SHISA9: variants seen among roughly 807,000 people sequenced by gnomAD.
The protein encoded by SHISA9 is protein shisa-9.
A neutral mutation model predicts 38.0 loss-of-function variants in SHISA9; 13 were observed. The ratio of observed to expected loss-of-function variants is 0.34; its 90% CI spans 0.22 to 0.54. SHISA9 has a LOEUF of 0.54. Ranked by LOEUF, SHISA9 falls within the 20% of genes least tolerant of loss-of-function variation. SHISA9 has a pLI of 0.91. For missense variants in SHISA9, 538 were observed against 575.8 expected, an observed-to-expected ratio of 0.93 and a Z score of 0.67; for synonymous variants, 275 against 242.0, an observed-to-expected ratio of 1.14 and a Z score of -1.27.
chr16:13,005,416 A>G (rs1488182843), intron 2 of SHISA9, among the ~76,000 whole-genome samples: 1 of 152,194 alleles, frequency 6.6e-6, no homozygotes, highest in African/African-American at 2.4e-5. Context: ...GTCATCTTGC[A>G]AATACCGTAG....
intron 2 of SHISA9, among the ~76,000 whole-genome samples, chr16:12,933,365 G>T (rs991365138): frequency 2.4e-4 from 37 of 151,868 alleles, no homozygotes; most frequent in African/African-American, 9.0e-4. Flanking sequence ...CTCGATCTTG[G>T]CTCACTGCAA....
chr16:13,033,753 A>C (rs1019758135), intron 2 of SHISA9, among the ~76,000 whole-genome samples: 3 of 152,148 alleles, frequency 2.0e-5, no homozygotes, highest in Non-Finnish European at 4.4e-5. Flanking sequence ...ATGATAAGGA[A>C]GTTCTTCCCA....
the SHISA9 span, among the ~76,000 whole-genome samples, chr16:13,380,101 C>T: frequency 2.0e-5 from 3 of 151,644 alleles, no homozygotes; most frequent in African/African-American, 7.3e-5. Context: ...CACAGAGATA[C>T]ATACATATGT....
At chr16:13,059,605 C>G (rs1464518589) in intron 2 of SHISA9, among the ~76,000 whole-genome samples, 2 of 152,136 alleles carry the variant, frequency 1.3e-5, no homozygotes, top group African/African-American at 2.4e-5. Flanking sequence ...ATAGGTACAG[C>G]AAACCACCAT....
the SHISA9 span, among the ~76,000 whole-genome samples, chr16:13,349,894 T>C: frequency 7.4e-3 from 1,132 of 152,314 alleles, 19 homozygotes; most frequent in African/African-American, 0.026. Context: ...TTAGAAGATA[T>C]GTAGAAGTTA....
chr16:13,365,296 C>A, the SHISA9 span, among the ~76,000 whole-genome samples: 1 of 152,048 alleles, frequency 6.6e-6, no homozygotes, highest in African/African-American at 2.4e-5. Flanking sequence ...ATTGCATTGC[C>A]TCTGGCAAGG....
Position 12,976,149 on chromosome 16 carries a change from G to A in SHISA9, c.691+59334G>A, listed in dbSNP as rs140996328. ...GTCACCCAGGCTGGAGTGCAGTGGC[G>A]TGATCCCGGCTCACTGTAACCTCTG... On this transcript the variant is annotated intron_variant, in intron 2 of 4. Transcript: ENST00000558583. 2.4e-4 allele frequency among the ~76,000 whole-genome samples: 37 copies of A among 152,174 alleles called. No homozygotes were observed. The East Asian group carries it at 3.3e-3, about 14-fold the overall frequency.
At chr16:12,993,029 C>G (rs373300564) in intron 2 of SHISA9, among the ~76,000 whole-genome samples, 27 of 152,214 alleles carry the variant, frequency 1.8e-4, no homozygotes, top group African/African-American at 6.3e-4. Context: ...TTGGGACATA[C>G]TCTTCATTTC....
the SHISA9 span, among the ~76,000 whole-genome samples, chr16:13,448,437 C>T: frequency 1.1e-3 from 165 of 152,340 alleles, no homozygotes; most frequent in African/African-American, 3.8e-3. Context: ...CCAATCATCA[C>T]AAAGACACCC....
the SHISA9 span, among the ~76,000 whole-genome samples, chr16:13,489,607 G>A: frequency 6.6e-6 from 1 of 152,068 alleles, no homozygotes; most frequent in South Asian, 2.1e-4. Flanking sequence ...TGTTATAAGT[G>A]GTTTCCCCTT....
the SHISA9 span, among the ~76,000 whole-genome samples, chr16:13,382,669 A>G: frequency 1.3e-5 from 2 of 151,992 alleles, no homozygotes; most frequent in Non-Finnish European, 2.9e-5. Flanking sequence ...GACAAGCTTG[A>G]CCAACATGGT....
At chr16:13,332,622 A>G in the SHISA9 span, 4 of 152,194 alleles carry the variant, frequency 2.6e-5, no homozygotes, top group African/African-American at 9.7e-5. Context: ...ACAGCAAGGA[A>G]GCAGCACTGT....
In SHISA9 at chr16:13,093,190, T is replaced by G. The variant is rs368617179; in HGVS notation, c.692-110204T>G. 5.3e-4 allele frequency among the ~76,000 whole-genome samples: 81 copies of G among 152,292 alleles called. 4 individuals are homozygous for G. The East Asian group carries it at 0.015, about 28-fold the overall frequency. ...TCAAGTGGCTGCACCCCTCTTGTTCTGAGTCTTGGCCCAGGGCTTTACTTC... is the reference window on the plus strand; with the variant it reads ...TCAAGTGGCTGCACCCCTCTTGTTCGGAGTCTTGGCCCAGGGCTTTACTTC... On this transcript the variant is annotated intron_variant, in intron 2 of 4. Transcript: ENST00000558583.
At chr16:13,063,632 T>G (rs760514141) in intron 2 of SHISA9, among the ~76,000 whole-genome samples, 1 of 152,162 alleles carries the variant, frequency 6.6e-6, no homozygotes, top group Non-Finnish European at 1.5e-5. Flanking sequence ...ATATTTCTAT[T>G]GATTGCGCAA....
At chr16:13,471,561 C>G in the SHISA9 span, among the ~76,000 whole-genome samples, 1 of 152,154 alleles carries the variant, frequency 6.6e-6, no homozygotes, top group Non-Finnish European at 1.5e-5. Flanking sequence ...CTCTTTGCTT[C>G]CCCTGCAGTG....
chr16:13,156,536 C>T (rs1025270076), intron 2 of SHISA9, among the ~76,000 whole-genome samples: 1 of 152,016 alleles, frequency 6.6e-6, no homozygotes, highest in African/African-American at 2.4e-5. Flanking sequence ...AGATCGAGAC[C>T]ATCTTGGCTA....
the SHISA9 span, among the ~76,000 whole-genome samples, chr16:13,290,310 G>T: frequency 3.9e-5 from 6 of 152,072 alleles, no homozygotes; most frequent in Admixed American, 1.3e-4. Flanking sequence ...TGGGAATGAA[G>T]ATGCAAACAG....
At position 13,203,295 on chromosome 16, in the gene SHISA9, G is replaced by T. The variant is rs367661094; in HGVS notation, c.692-99G>T. 3.6e-5 allele frequency: 44 copies of T among 1,208,338 alleles called. No homozygotes were observed. In the African/African-American group the frequency reaches 5.7e-4, roughly 16 times the overall value. The allele number at this position is 1,208,338 out of a possible 1,614,324, so 74.9% of individuals were successfully genotyped here. ...TGTTTTGCGACTTGCGTCCCTAAAG[G>T]GTGGGGAGAGTTTTGGTCTCCAGTG... On this transcript the variant is annotated intron_variant, in intron 2 of 4. Coordinates refer to ENST00000558583, the MANE Select transcript of SHISA9 (RefSeq NM_001145204.3).
At chr16:13,102,218 C>G (rs1398824978) in intron 2 of SHISA9, among the ~76,000 whole-genome samples, 2 of 152,200 alleles carry the variant, frequency 1.3e-5, no homozygotes, top group East Asian at 1.9e-4. Context: ...GCCATGTGTT[C>G]TCTCTGATCA....
Sources: allele counts gnomAD v4.1 joint callset (sites outside exome capture counted in the v4.1 genomes callset), GRCh38; gene constraint gnomAD v4.1.1; transcripts MANE v1.5; gene names NCBI Gene and HGNC (gene_info 2026-07-23, HGNC 2026-07-21).